The following SKIL variants were observed in gnomAD, a reference collection of about 807,000 sequenced individuals.
The protein encoded by SKIL is SKI like proto-oncogene.
SKIL carries 20 observed loss-of-function variants against 69.6 expected under a neutral mutation model. The observed-to-expected ratio is 0.29, with a 90% CI of 0.20 to 0.42. The LOEUF (loss-of-function observed/expected upper bound fraction) is 0.42. Ranked by LOEUF, SKIL falls within the 10% of genes least tolerant of loss-of-function variation. The pLI, the probability that SKIL is intolerant of heterozygous loss-of-function variation, is 1.00. For missense variants in SKIL, 745 were observed against 783.1 expected (o/e 0.95, Z 0.58); for synonymous variants, 310 against 279.9 (o/e 1.11, Z -1.08).
At chr3:170,378,553 C>CTCTT (rs1553853891) in intron 2 of SKIL, among the ~76,000 whole-genome samples, 1 of 118,996 alleles carries the variant, frequency 8.4e-6, no homozygotes, top group African/African-American at 3.0e-5. Flanking sequence ...CTCTCTCTCT[C>CTCTT]TTTTTTTTTT....
In SKIL at chr3:170,360,438, T is replaced by C. The variant is rs1736166673; in HGVS notation, c.107T>C (p.Ile36Thr). ...CCAGCGAAAAAAATGATAACGGACATTCATGCAAATGGAAAAACGATAAAC... is the reference window on the plus strand; with the variant it reads ...CCAGCGAAAAAAATGATAACGGACACTCATGCAAATGGAAAAACGATAAAC... ...SPPAKKMITD[I>T]HANGKTINKV... The change falls in exon 2 of 7, where the codon ATT (isoleucine) becomes ACT (threonine). Residue 36 changes from isoleucine (I) to threonine (T), a missense_variant. Physicochemically the swap from Ile to Thr is moderately conservative, Grantham distance 89. Coordinates refer to ENST00000259119, the MANE Select transcript of SKIL (RefSeq NM_005414.5). The C allele has an allele frequency of 1.9e-6, 3 of 1,613,688 alleles. No individual in the cohort carries two copies. The highest frequency in any genetic ancestry group is 2.5e-6 in the Non-Finnish European group (3 of 1,179,884).
At chr3:170,364,013 C>T (rs1433559580) in intron 2 of SKIL, among the ~76,000 whole-genome samples, 1 of 152,108 alleles carries the variant, frequency 6.6e-6, no homozygotes, top group African/African-American at 2.4e-5. Flanking sequence ...TGCAGTGGCA[C>T]GATCTCGGCT....
At chr3:170,375,778 CTA>C (rs1412795071) in intron 2 of SKIL, among the ~76,000 whole-genome samples, 3 of 151,940 alleles carry the variant, frequency 2.0e-5, no homozygotes, top group Non-Finnish European at 2.9e-5. Flanking sequence ...GGGGGTCTCT[CTA>C]TGTTGTCCAG....
chr3:170,368,023 C>T (rs1194777334), intron 2 of SKIL, among the ~76,000 whole-genome samples: 1 of 152,090 alleles, frequency 6.6e-6, no homozygotes, highest in Non-Finnish European at 1.5e-5. Context: ...TATTTCTCCC[C>T]TCTTGCAAGC....
chr3:170,364,864 C>T (rs1462070002), intron 2 of SKIL, among the ~76,000 whole-genome samples: 4 of 152,034 alleles, frequency 2.6e-5, no homozygotes, highest in African/African-American at 7.2e-5. Flanking sequence ...AATACATTTT[C>T]GATTTTAGGA....
chr3:170,384,458 T>C, intron 3 of SKIL, 75 bp from the exon 4 acceptor site: 1 of 658,370 alleles, frequency 1.5e-6, no homozygotes, highest in Non-Finnish European at 2.6e-6. Context: ...ACCACAGAAA[T>C]GCATGTTACA....
chr3:170,386,088 G>A (rs1196598996), intron 4 of SKIL, among the ~76,000 whole-genome samples: 1 of 151,104 alleles, frequency 6.6e-6, no homozygotes, highest in Non-Finnish European at 1.5e-5. Context: ...GAGCCACCAC[G>A]CCTGGCTGAT....
rs965166462 is a variant in SKIL, at chr3:170,387,591, G to A, written c.1430-2632G>A. On this transcript the variant is annotated intron_variant, in intron 4 of 6. Transcript: ENST00000259119. ...CATTTTTTTTATTCCTTCGTCAGTC[G>A]GACATTTGCATTGGGTCTACTTTTT... Among the ~76,000 whole-genome samples the A allele has an allele frequency of 2.6e-5, 4 of 151,722 alleles. 1 individual carries two copies. Among genetic ancestry groups the A allele is most frequent in the East Asian group, 3.9e-4 (2 of 5,158 alleles).
intron 3 of SKIL, 23 bp downstream of exon 3, chr3:170,381,364 G>A (rs376437185): frequency 7.1e-6 from 8 of 1,120,638 alleles, no homozygotes; most frequent in East Asian, 4.7e-5. Flanking sequence ...TTATTTGTTC[G>A]TTTGTTCATT....
At chr3:170,361,902 T>C (rs1736259289) in intron 2 of SKIL, among the ~76,000 whole-genome samples, 2 of 152,182 alleles carry the variant, frequency 1.3e-5, no homozygotes, top group Admixed American at 6.5e-5. Context: ...CTTTTTCTTA[T>C]CCTCTTTGGC....
At chr3:170,377,699 C>T (rs1157900975) in intron 2 of SKIL, among the ~76,000 whole-genome samples, 2 of 150,064 alleles carry the variant, frequency 1.3e-5, no homozygotes, top group Admixed American at 6.7e-5. Context: ...CAGGCGCCTG[C>T]TGCCGCACCC....
intron 2 of SKIL, among the ~76,000 whole-genome samples, chr3:170,366,061 T>C (rs1357413980): frequency 1.3e-5 from 2 of 151,060 alleles, no homozygotes; most frequent in Non-Finnish European, 3.0e-5. Flanking sequence ...TGGCCTTTTT[T>C]TTTTTTTTTT....
intron 4 of SKIL, among the ~76,000 whole-genome samples, chr3:170,388,647 C>G (rs1198887447): frequency 6.6e-6 from 1 of 151,908 alleles, no homozygotes; most frequent in Non-Finnish European, 1.5e-5. Context: ...TGAGGCTGGT[C>G]TCAAACTCGT....
chr3:170,360,908 T>C lies in SKIL; in HGVS notation c.577T>C (p.Tyr193His), dbSNP rs1432986342. The C allele has an allele frequency of 7.4e-6, 12 of 1,614,084 alleles. No homozygotes were observed. The highest frequency in any genetic ancestry group is 1.3e-5 in the African/African-American group (1 of 74,936). The change falls in exon 2 of 7, where the codon TAT becomes CAT. Residue 193 changes from tyrosine to histidine, a missense_variant. Coordinates refer to ENST00000259119, the MANE Select transcript of SKIL (RefSeq NM_005414.5). ...TACAGTGTGTGATGAACTGTACATATATTGTTCAAGGTGTACTTCAGACCA... is the reference window on the plus strand; with the variant it reads ...TACAGTGTGTGATGAACTGTACATACATTGTTCAAGGTGTACTTCAGACCA... ...INTVCDELYI[Y>H]CSRCTSDQLH...
intron 2 of SKIL, among the ~76,000 whole-genome samples, 188 bp from the exon 3 acceptor site, chr3:170,381,056 G>A (rs1364603189): frequency 6.0e-5 from 9 of 149,022 alleles, no homozygotes; most frequent in Non-Finnish European, 1.5e-5. Flanking sequence ...CTGACTCCAC[G>A]GCTTAAGGAA....
At chr3:170,366,696 G>GACACACACAC (rs376902100) in intron 2 of SKIL, among the ~76,000 whole-genome samples, 8,275 of 147,596 alleles carry the variant, frequency 0.056, 678 homozygotes, top group African/African-American at 0.18. Context: ...CACACACACA[G>GACACACACAC]ACACACACAC....
chr3:170,373,274 C>A lies in SKIL; in HGVS notation c.1099-7970C>A, dbSNP rs563997119. The stretch of plus-strand genomic sequence containing the variant: ...CTCCACCTCCTGGGTTCAAGCGATT[C>A]TTCTGCCTCAGCCTCCTAAGTAGCT... On this transcript the variant is annotated intron_variant, in intron 2 of 6. Transcript: ENST00000259119. Among the ~76,000 whole-genome samples, 22 of 152,214 alleles carry A rather than the reference C, an allele frequency of 1.4e-4. No individual in the cohort carries two copies. In the South Asian group the frequency reaches 4.4e-3, roughly 30 times the overall value.
intron 6 of SKIL, 113 bp from the exon 7 acceptor site, chr3:170,392,146 A>G: frequency 2.5e-6 from 2 of 805,242 alleles, no homozygotes; most frequent in South Asian, 3.9e-5. Flanking sequence ...TTTAGTATAC[A>G]TGAAATAGTT....
chr3:170,385,809 C>CTT (rs562437463), intron 4 of SKIL, among the ~76,000 whole-genome samples: 5 of 141,982 alleles, frequency 3.5e-5, no homozygotes, highest in African/African-American at 1.3e-4. Context: ...TCTTTTTTTT[C>CTT]TTTTTTTTTT....
Sources: allele counts gnomAD v4.1 joint callset (sites outside exome capture counted in the v4.1 genomes callset), GRCh38; gene constraint gnomAD v4.1.1; transcripts MANE v1.5; gene names NCBI Gene and HGNC (gene_info 2026-07-23, HGNC 2026-07-21).